Variants in ADCK1 observed in about 807,000 individuals in gnomAD.
The protein encoded by ADCK1 is aarF domain containing kinase 1.
A neutral mutation model predicts 52.3 loss-of-function variants in ADCK1; 41 were observed. That is an observed-to-expected ratio of 0.78 (90% CI 0.61 to 1.02). The LOEUF (loss-of-function observed/expected upper bound fraction) is 1.02. Among genes scored for constraint, ADCK1 ranks in the 50% least tolerant of loss-of-function variants. The pLI, the probability that ADCK1 is intolerant of heterozygous loss-of-function variation, is 0.00. For synonymous variants in ADCK1, 250 were observed against 274.6 expected, an observed-to-expected ratio of 0.91 and a Z score of 0.89; for missense variants, 658 against 679.5, an observed-to-expected ratio of 0.97 and a Z score of 0.35.
chr14:77,934,969 G>A lies in ADCK1; in HGVS notation c.*1578G>A, dbSNP rs2084417879. 6.6e-6 allele frequency: 1 copy of A among 152,210 alleles called. No individual in the cohort carries two copies. Among genetic ancestry groups the A allele is most frequent in the Non-Finnish European group, 1.5e-5 (1 of 68,038 alleles). The allele number at this position is 152,210 out of a possible 1,614,324, so 9.4% of individuals were successfully genotyped here. On this transcript the variant is annotated 3_prime_UTR_variant, in exon 11 of 11. Coordinates refer to ENST00000238561, the MANE Select transcript of ADCK1 (RefSeq NM_020421.4). ...TGTGCTGCATAGTATATTTTATGGT[G>A]TCTTTTATAGCCACTGAAGTAAATA...
intron 3 of ADCK1, among the ~76,000 whole-genome samples, chr14:77,826,291 A>T (rs2081703753): frequency 6.6e-6 from 1 of 152,176 alleles, no homozygotes. Flanking sequence ...CTGATAAAGG[A>T]ATGAGTGAAG....
At position 77,827,704 on chromosome 14, in the gene ADCK1, A is replaced by G. The variant is rs564060302; in HGVS notation, c.219+5186A>G. On this transcript the variant is annotated intron_variant, in intron 3 of 10. Transcript: ENST00000238561. ...AATTCAAAAATTTTAGTGCCTAAGG[A>G]GGGTGCAGAGAGGTTTGGATGGTGC... 10 of 214,310 alleles carry G rather than the reference A, an allele frequency of 4.7e-5. No individual in the cohort carries two copies. The East Asian group carries it at 1.7e-3, about 36-fold the overall frequency. The allele number at this position is 214,310 out of a possible 1,614,324, so 13.3% of individuals were successfully genotyped here.
intron 5 of ADCK1, among the ~76,000 whole-genome samples, chr14:77,888,111 G>A (rs928476853): frequency 5.3e-5 from 8 of 152,102 alleles, no homozygotes; most frequent in Non-Finnish European, 1.0e-4. Flanking sequence ...CAGTCACAGC[G>A]TGTTTGCACA....
chr14:77,848,548 C>G (rs2082217612), intron 3 of ADCK1, among the ~76,000 whole-genome samples: 1 of 152,184 alleles, frequency 6.6e-6, no homozygotes. Context: ...TCACTGCAGC[C>G]TCCACCTCCT....
intron 3 of ADCK1, among the ~76,000 whole-genome samples, chr14:77,855,656 A>C (rs867431379): frequency 1.3e-5 from 2 of 152,118 alleles, no homozygotes; most frequent in South Asian, 2.1e-4. Flanking sequence ...TGTGGGCCTG[A>C]TTTCTTGGGG....
rs1453022476 is a variant in ADCK1 at position 77,899,221 on chromosome 14, A to G, written c.704A>G (p.Lys235Arg). ...CTCAATGAAGGGAGGAATGCTGAGA[A>G]GGTGTCCCAGATGCTCAGGCATTTT... Reference protein sequence around the residue: ...DFLNEGRNAEKVSQMLRHFDF... With the variant: ...DFLNEGRNAERVSQMLRHFDF... The change falls in exon 6 of 11, where the codon AAG becomes AGG. Residue 235 changes from lysine (K) to arginine (R), a missense_variant. Transcript: ENST00000238561. 1.2e-6 allele frequency: 2 copies of G among 1,614,152 alleles called. No homozygotes were observed. The highest frequency in any genetic ancestry group is 4.5e-5 in the East Asian group (2 of 44,882).
chr14:77,903,208 A>T (rs551492349), intron 6 of ADCK1, among the ~76,000 whole-genome samples: 1 of 152,398 alleles, frequency 6.6e-6, no homozygotes, highest in African/African-American at 2.4e-5. Flanking sequence ...TTCCTAAGAC[A>T]GTGGTGGAAT....
Position 77,819,219 on chromosome 14 carries a change from G to C in ADCK1, c.135+106G>C, listed in dbSNP as rs1457811096. The C allele has an allele frequency of 2.0e-6, 3 of 1,494,474 alleles. No homozygotes were observed. The African/African-American group carries it at 4.2e-5, about 21-fold the overall frequency. The allele number at this position is 1,494,474 out of a possible 1,614,324, so 92.6% of individuals were successfully genotyped here. A position where few individuals can be genotyped will look rare whatever the true frequency, so the allele number is the denominator to read the frequency against. Reference sequence around the variant, plus strand: ...CTGCTATGCATATGTGGAGATACTTGTGTATCCTTACATGTGCAAAAGCTA... The same window carrying C: ...CTGCTATGCATATGTGGAGATACTTCTGTATCCTTACATGTGCAAAAGCTA... On this transcript the variant is annotated intron_variant, in intron 2 of 10. Coordinates refer to ENST00000238561, the MANE Select transcript of ADCK1 (RefSeq NM_020421.4).
At chr14:77,927,042 A>G (rs1220365177) in intron 9 of ADCK1, among the ~76,000 whole-genome samples, 1 of 152,122 alleles carries the variant, frequency 6.6e-6, no homozygotes, top group East Asian at 1.9e-4. Flanking sequence ...GTGCAGTCAG[A>G]AAGCCCTGGG....
intron 9 of ADCK1, among the ~76,000 whole-genome samples, chr14:77,928,824 GTC>G (rs1041911425): frequency 2.9e-4 from 44 of 152,098 alleles, no homozygotes; most frequent in African/African-American, 1.0e-3. Flanking sequence ...AAAAAGTCTT[GTC>G]TCTTCCAGAA....
At chr14:77,897,392 C>T (rs985850541) in intron 5 of ADCK1, among the ~76,000 whole-genome samples, 9 of 152,188 alleles carry the variant, frequency 5.9e-5, no homozygotes, top group Non-Finnish European at 8.8e-5. Context: ...GGAACTTGGG[C>T]ACCCATCTCA....
At chr14:77,869,826 T>G (rs940351926) in intron 4 of ADCK1, among the ~76,000 whole-genome samples, 32 of 152,290 alleles carry the variant, frequency 2.1e-4, no homozygotes, top group African/African-American at 7.7e-4. Flanking sequence ...CAGCTGCCAT[T>G]GACAGCTTTT....
intron 9 of ADCK1, among the ~76,000 whole-genome samples, chr14:77,926,539 G>A (rs2084199281): frequency 6.6e-6 from 1 of 152,176 alleles, no homozygotes; most frequent in African/African-American, 2.4e-5. Context: ...GGAGTGTAGT[G>A]GCATGATATC....
Position 77,847,933 on chromosome 14 carries a change from T to C in ADCK1, c.220-11143T>C, listed in dbSNP as rs560375016. Among the ~76,000 whole-genome samples the C allele has an allele frequency of 2.8e-3, 432 of 152,324 alleles. 6 individuals are homozygous for C. Among genetic ancestry groups the C allele is most frequent in the Admixed American group, 1.7e-3 (26 of 15,304 alleles). ...GACGTGGCCAGAGCCATGGTGGCCG[T>C]GTGGCCTAACCCTGAGACTTAGCTG... On this transcript the variant is annotated intron_variant, in intron 3 of 10. Coordinates refer to ENST00000238561, the MANE Select transcript of ADCK1 (RefSeq NM_020421.4).
chr14:77,858,660 G>A (rs537915246), intron 3 of ADCK1, among the ~76,000 whole-genome samples: 2 of 152,288 alleles, frequency 1.3e-5, no homozygotes, highest in Admixed American at 6.5e-5. Context: ...TTTATAAAAC[G>A]TAGCAATCCA....
chr14:77,867,991 G>A (rs1351932865), intron 4 of ADCK1, among the ~76,000 whole-genome samples: 1 of 152,186 alleles, frequency 6.6e-6, no homozygotes, highest in East Asian at 1.9e-4. Context: ...GTTGTTGCGA[G>A]AGCAAAATTT....
chr14:77,811,802 C>T (rs1191936516), intron 1 of ADCK1, among the ~76,000 whole-genome samples: 3 of 152,056 alleles, frequency 2.0e-5, no homozygotes, highest in Admixed American at 2.0e-4. Flanking sequence ...GAGTAAACCC[C>T]TGTCTCAACA....
At chr14:77,925,992 C>CT (rs770992788) in intron 9 of ADCK1, 31 bp downstream of exon 9, 1 of 1,612,350 alleles carries the variant, frequency 6.2e-7, no homozygotes, top group South Asian at 1.1e-5. Context: ...CTGCCTCTTC[C>CT]TAAATGCAGA....
At chr14:77,832,646 TAAC>T (rs1392816929) in intron 3 of ADCK1, among the ~76,000 whole-genome samples, 5 of 152,180 alleles carry the variant, frequency 3.3e-5, no homozygotes, top group African/African-American at 9.6e-5. Context: ...ATAAAACAGT[TAAC>T]AAATATTTAG....
Sources: gnomAD v4.1 joint callset for allele counts (sites outside exome capture counted in the v4.1 genomes callset) on GRCh38, gnomAD v4.1.1 for gene constraint, MANE v1.5 for transcripts, NCBI Gene and HGNC (gene_info 2026-07-23, HGNC 2026-07-21) for gene names.